Variants in CELF2 observed in about 807,000 individuals in gnomAD.
The protein encoded by CELF2 is CUGBP Elav-like family member 2.
CELF2 carries 8 observed loss-of-function variants against 62.6 expected under a neutral mutation model. That is an observed-to-expected ratio of 0.13 (90% CI 0.07 to 0.23). The LOEUF is 0.23. Ranked by LOEUF, CELF2 falls within the 10% of genes least tolerant of loss-of-function variation. The probability of loss-of-function intolerance (pLI) is 1.00; values close to 1 mark genes in which losing one functional copy is unlikely to be tolerated. For synonymous variants in CELF2, 258 were observed against 250.0 expected, an observed-to-expected ratio of 1.03 and a Z score of -0.30; for missense variants, 333 against 671.0, an observed-to-expected ratio of 0.50 and a Z score of 5.56.
At chr10:11,232,182 C>T (rs1323241918) in intron 3 of CELF2, among the ~76,000 whole-genome samples, 23 of 152,094 alleles carry the variant, frequency 1.5e-4, no homozygotes. Flanking sequence ...GTGATGTTCC[C>T]CTTCCTGTGT....
chr10:10,845,234 C>T (rs1210926409), intron 1 of CELF2, among the ~76,000 whole-genome samples: 1 of 150,992 alleles, frequency 6.6e-6, no homozygotes, highest in Non-Finnish European at 1.5e-5. Flanking sequence ...AATGGGAGAT[C>T]TGTATTAAAC....
rs2096115704 is a variant in CELF2 at position 11,336,179 on chromosome 10, A to AT, written c.*7128dup. 1.3e-5 allele frequency: 2 copies of AT among 152,704 alleles called. No individual in the cohort carries two copies. Among genetic ancestry groups the AT allele is most frequent in the Non-Finnish European group, 1.5e-5 (1 of 68,046 alleles). 9.5% of individuals were successfully genotyped at this position (152,704 alleles called of 1,614,324 possible). A position where few individuals can be genotyped will look rare whatever the true frequency, so the allele number is the denominator to read the frequency against. Reference sequence around the variant, plus strand: ...TGGCAGGCTAGGACACACAGTGAACATTAATGTACTGTGAATCGTTCCTGA... The same window carrying AT: ...TGGCAGGCTAGGACACACAGTGAACATTTAATGTACTGTGAATCGTTCCTGA... On this transcript the variant is annotated 3_prime_UTR_variant, in exon 13 of 13. Transcript: ENST00000633077. This position sits in a 1 kb window ranked among gnomAD's most constrained non-coding sequence, Gnocchi z 5.4.
the CELF2 span, among the ~76,000 whole-genome samples, chr10:10,620,690 C>G: frequency 6.6e-6 from 1 of 151,524 alleles, no homozygotes; most frequent in Non-Finnish European, 1.5e-5. Context: ...ATCACGAGGT[C>G]AGGAGATTGA....
At chr10:11,151,251 C>T (rs368160518) in intron 1 of CELF2, among the ~76,000 whole-genome samples, 1 of 152,186 alleles carries the variant, frequency 6.6e-6, no homozygotes, top group Non-Finnish European at 1.5e-5. Flanking sequence ...TGTATATTCC[C>T]TGGATTCAGC....
intron 1 of CELF2, among the ~76,000 whole-genome samples, chr10:11,146,121 G>A (rs1468733154): frequency 6.6e-6 from 1 of 152,190 alleles, no homozygotes; most frequent in Non-Finnish European, 1.5e-5. Flanking sequence ...AGCTTCAGGA[G>A]CTGGGATCTG....
At chr10:10,939,979 G>A (rs1428503451) in intron 2 of CELF2, among the ~76,000 whole-genome samples, 1 of 152,078 alleles carries the variant, frequency 6.6e-6, no homozygotes, top group Non-Finnish European at 1.5e-5. Flanking sequence ...AGAAAAGCCA[G>A]TATTGGCAAC....
intron 1 of CELF2, among the ~76,000 whole-genome samples, chr10:11,052,403 C>A (rs1314743464): frequency 6.6e-6 from 1 of 152,048 alleles, no homozygotes; most frequent in African/African-American, 2.4e-5. Flanking sequence ...ATGCAGACAC[C>A]TGAGATTGAA....
the CELF2 span, among the ~76,000 whole-genome samples, chr10:10,575,855 A>T: frequency 6.6e-6 from 1 of 152,218 alleles, no homozygotes; most frequent in Admixed American, 6.5e-5. Context: ...GAAATTCAAC[A>T]ACTGAAAAAA....
the CELF2 span, among the ~76,000 whole-genome samples, chr10:10,476,208 T>C: frequency 1.0e-5 from 1 of 99,016 alleles, no homozygotes; most frequent in South Asian, 3.4e-4. Flanking sequence ...AAAGATTATT[T>C]ATCATTTTAT....
intron 1 of CELF2, among the ~76,000 whole-genome samples, chr10:10,844,590 T>C (rs2058894944): frequency 6.6e-6 from 1 of 152,098 alleles, no homozygotes; most frequent in African/African-American, 2.4e-5. Flanking sequence ...AAAGGGCTGT[T>C]TTCTGACATT....
intron 1 of CELF2, among the ~76,000 whole-genome samples, chr10:11,163,396 C>G (rs2066179277): frequency 6.6e-6 from 1 of 152,196 alleles, no homozygotes; most frequent in Admixed American, 6.5e-5. Flanking sequence ...TCTCAACCCC[C>G]GACAGGGTGT....
At chr10:10,767,865 G>A in the CELF2 span, among the ~76,000 whole-genome samples, 9 of 140,780 alleles carry the variant, frequency 6.4e-5, no homozygotes, top group Non-Finnish European at 9.1e-5. Context: ...GCGTGGTGGC[G>A]GGCGCCTGTA....
the CELF2 span, among the ~76,000 whole-genome samples, chr10:10,702,674 T>G: frequency 2.0e-5 from 3 of 152,196 alleles, no homozygotes; most frequent in Admixed American, 6.5e-5. Context: ...AACTTCCGCC[T>G]CCTAGGTTCA....
chr10:11,050,476 A>G (rs1002476287), intron 1 of CELF2, among the ~76,000 whole-genome samples: 5 of 152,200 alleles, frequency 3.3e-5, no homozygotes, highest in Non-Finnish European at 7.3e-5. Flanking sequence ...TGGCTTGAAC[A>G]TGGAGTGTCG....
At chr10:10,697,666 G>C in the CELF2 span, among the ~76,000 whole-genome samples, 1 of 152,094 alleles carries the variant, frequency 6.6e-6, no homozygotes, top group Non-Finnish European at 1.5e-5. Flanking sequence ...GCAAAAGGAC[G>C]CTAGCTCTCT....
chr10:10,616,628 G>A, the CELF2 span, among the ~76,000 whole-genome samples: 1 of 150,882 alleles, frequency 6.6e-6, no homozygotes, highest in Non-Finnish European at 1.5e-5. Context: ...CCTACTCACT[G>A]CCTCAAGAGA....
chr10:11,081,418 C>T (rs1287543246), intron 1 of CELF2, among the ~76,000 whole-genome samples: 1 of 152,066 alleles, frequency 6.6e-6, no homozygotes, highest in Non-Finnish European at 1.5e-5. Context: ...ATACCTGGGA[C>T]AATTCAAGTT....
the CELF2 span, among the ~76,000 whole-genome samples, chr10:10,712,229 G>A: frequency 6.6e-6 from 1 of 150,502 alleles, no homozygotes; most frequent in Non-Finnish European, 1.5e-5. Context: ...GGTCATCTGA[G>A]GCTTACATGA....
the CELF2 span, among the ~76,000 whole-genome samples, chr10:10,682,911 A>G: frequency 6.6e-6 from 1 of 152,038 alleles, no homozygotes; most frequent in East Asian, 1.9e-4. Context: ...TGTTTTGAGA[A>G]TGGAAGCAGT....
Sources: gnomAD v4.1 joint callset for allele counts (sites outside exome capture counted in the v4.1 genomes callset) on GRCh38, gnomAD v4.1.1 for gene constraint, Gnocchi (gnomAD v3.1) non-coding constraint, MANE v1.5 for transcripts, NCBI Gene and HGNC (gene_info 2026-07-23, HGNC 2026-07-21) for gene names.